The following CNTNAP2 variants were observed in gnomAD, a reference collection of about 807,000 sequenced individuals.
CNTNAP2 encodes contactin associated protein 2.
A neutral mutation model predicts 155.2 loss-of-function variants in CNTNAP2; 98 were observed. The ratio of observed to expected loss-of-function variants is 0.63; its 90% CI spans 0.54 to 0.75. CNTNAP2 has a LOEUF of 0.75. Among genes scored for constraint, CNTNAP2 ranks in the 30% least tolerant of loss-of-function variants. The pLI, the probability that CNTNAP2 is intolerant of heterozygous loss-of-function variation, is 0.00. For missense variants in CNTNAP2, 1,727 were observed against 1,688.1 expected (o/e 1.02, Z -0.40); for synonymous variants, 651 against 631.2 (o/e 1.03, Z -0.47).
intron 13 of CNTNAP2, among the ~76,000 whole-genome samples, chr7:147,732,950 G>C (rs150264064): frequency 6.6e-6 from 1 of 152,144 alleles, no homozygotes; most frequent in Admixed American, 6.5e-5. Flanking sequence ...TGTCAGATGA[G>C]TGGATTGCAA....
intron 1 of CNTNAP2, among the ~76,000 whole-genome samples, chr7:146,654,343 ATG>A (rs1799961938): frequency 6.6e-6 from 1 of 151,860 alleles, no homozygotes; most frequent in South Asian, 2.1e-4. Context: ...ACACTGATGA[ATG>A]TGTGTGGTTT....
At chr7:148,221,055 G>A (rs1170631316) in intron 19 of CNTNAP2, among the ~76,000 whole-genome samples, 1 of 152,058 alleles carries the variant, frequency 6.6e-6, no homozygotes, top group Non-Finnish European at 1.5e-5. Flanking sequence ...GTCCTCAACT[G>A]TATTCGCTAC....
chr7:146,770,061 T>G (rs1309935114), intron 1 of CNTNAP2, among the ~76,000 whole-genome samples: 1 of 152,186 alleles, frequency 6.6e-6, no homozygotes, highest in African/African-American at 2.4e-5. Context: ...CCAGGTCTAA[T>G]GAGCAACTCA....
chr7:148,174,139 C>A (rs1794885980), intron 18 of CNTNAP2, among the ~76,000 whole-genome samples: 1 of 152,202 alleles, frequency 6.6e-6, no homozygotes, highest in Non-Finnish European at 1.5e-5. Context: ...AATGAGTTTT[C>A]ATTTGATTCA....
chr7:146,499,688 G>A (rs117610461), intron 1 of CNTNAP2, among the ~76,000 whole-genome samples: 42 of 151,988 alleles, frequency 2.8e-4, no homozygotes, highest in African/African-American at 8.9e-4. Flanking sequence ...GAGAACATGC[G>A]GTGTTTGGTT....
intron 15 of CNTNAP2, among the ~76,000 whole-genome samples, chr7:148,098,800 G>A (rs1246696770): frequency 1.3e-5 from 2 of 152,172 alleles, no homozygotes; most frequent in East Asian, 3.9e-4. Flanking sequence ...ATATGGCTGA[G>A]GGTGACCTTA....
intron 1 of CNTNAP2, among the ~76,000 whole-genome samples, chr7:146,231,918 T>A (rs1011619589): frequency 6.6e-6 from 1 of 152,236 alleles, no homozygotes; most frequent in Non-Finnish European, 1.5e-5. Context: ...AGAGCTAGTT[T>A]AAAGCTAGAA....
At chr7:147,605,845 C>A (rs1334871442) in intron 12 of CNTNAP2, among the ~76,000 whole-genome samples, 1 of 151,906 alleles carries the variant, frequency 6.6e-6, no homozygotes, top group Non-Finnish European at 1.5e-5. Context: ...GTTTTGTGGA[C>A]CCCAGCACCT....
intron 13 of CNTNAP2, among the ~76,000 whole-genome samples, chr7:147,802,400 G>C (rs1170987665): frequency 1.4e-3 from 218 of 152,056 alleles, no homozygotes; most frequent in African/African-American, 4.9e-3. Flanking sequence ...CTGCAATCTC[G>C]GCACTTTGGG....
chr7:148,077,869 G>T lies in CNTNAP2; in HGVS notation c.2384-40249G>T, dbSNP rs181312067. On this transcript the variant is annotated intron_variant, in intron 15 of 23. Transcript: ENST00000361727. ...TTTGTTTAAAAATAAAATTCAGCAA[G>T]CTTCTGATGATTTATTCTGTTCTTG... Among the ~76,000 whole-genome samples, 296 of 152,242 alleles carry T rather than the reference G, an allele frequency of 1.9e-3. 1 individual carries two copies. The highest frequency in any genetic ancestry group is 6.8e-3 in the Middle Eastern group (2 of 294).
At position 147,780,404 on chromosome 7, in the gene CNTNAP2, GT is replaced by G. The variant is rs879324090; in HGVS notation, c.2099-123153del. On this transcript the variant is annotated intron_variant, in intron 13 of 23. Transcript: ENST00000361727. ...CAATTGTTAATTTAAAAATTAACAGGTTTTTTTTAAAGTTTTAATATTATAA... is the reference window on the plus strand; with the variant it reads ...CAATTGTTAATTTAAAAATTAACAGGTTTTTTTAAAGTTTTAATATTATAA... Among the ~76,000 whole-genome samples, 11 of 151,838 alleles carry G rather than the reference GT, an allele frequency of 7.2e-5. No homozygotes were observed. The South Asian group carries it at 1.3e-3, about 17-fold the overall frequency.
chr7:146,823,557 A>G (rs1226226430), intron 2 of CNTNAP2, among the ~76,000 whole-genome samples: 1 of 145,824 alleles, frequency 6.9e-6, no homozygotes, highest in East Asian at 2.1e-4. Context: ...ATTCTTCAGT[A>G]TATTTACATG....
At chr7:148,202,131 T>C (rs4726925) in intron 18 of CNTNAP2, among the ~76,000 whole-genome samples, 119,668 of 151,818 alleles carry the variant, frequency 0.79, 47,228 homozygotes, top group Middle Eastern at 0.85. Flanking sequence ...CGGTATTTCA[T>C]ATGTGGCACG....
chr7:146,967,721 G>A (rs949549335), intron 3 of CNTNAP2, among the ~76,000 whole-genome samples: 3 of 152,140 alleles, frequency 2.0e-5, no homozygotes, highest in Non-Finnish European at 2.9e-5. Context: ...TGAGACAATG[G>A]GGTTTTCTAG....
intron 11 of CNTNAP2, among the ~76,000 whole-genome samples, chr7:147,489,928 T>C (rs529687217): frequency 6.6e-6 from 1 of 152,328 alleles, no homozygotes; most frequent in African/African-American, 2.4e-5. Flanking sequence ...CATTCTTATA[T>C]ATACTACTAG....
intron 1 of CNTNAP2, among the ~76,000 whole-genome samples, chr7:146,722,234 G>A (rs344468): frequency 0.12 from 17,499 of 151,772 alleles, 2,068 homozygotes; most frequent in African/African-American, 0.3. Context: ...ACTATTTTCT[G>A]AGCTGTACAA....
At position 148,118,183 on chromosome 7, in the gene CNTNAP2, G is replaced by A. The variant is rs140239461; in HGVS notation, c.2449G>A (p.Gly817Arg). The A allele has an allele frequency of 8.8e-5, 142 of 1,614,158 alleles. No homozygotes were observed. The highest frequency in any genetic ancestry group is 1.1e-4 in the Non-Finnish European group (134 of 1,180,022). Residue 817 changes from glycine (G) to arginine (R), a missense_variant, in exon 16 of 24, where the codon GGG (glycine) becomes AGG (arginine). Transcript: ENST00000361727. ...CTACCTGCACTTCTCTACTTTCCAA[G>A]GGGAAACTAGCGCTGACATTTCTTT... Reference protein sequence around the residue: ...SSYLHFSTFQGETSADISFYF... With the variant: ...SSYLHFSTFQRETSADISFYF...
chr7:146,626,709 G>C (rs886837731), intron 1 of CNTNAP2, among the ~76,000 whole-genome samples: 29 of 152,004 alleles, frequency 1.9e-4, no homozygotes, highest in African/African-American at 7.0e-4. Flanking sequence ...AGATACAAAA[G>C]AAAAATGCAT....
At chr7:148,057,816 C>T (rs570923155) in intron 15 of CNTNAP2, among the ~76,000 whole-genome samples, 20 of 152,222 alleles carry the variant, frequency 1.3e-4, no homozygotes, top group Middle Eastern at 3.4e-3. Flanking sequence ...AATGCTGCCA[C>T]TCCTTGACTG....
Sources: gnomAD v4.1 joint callset for allele counts (sites outside exome capture counted in the v4.1 genomes callset) on GRCh38, gnomAD v4.1.1 for gene constraint, MANE v1.5 for transcripts, NCBI Gene and HGNC (gene_info 2026-07-23, HGNC 2026-07-21) for gene names.